The following IMMP2L variants were observed in gnomAD, a reference collection of about 807,000 sequenced individuals.
IMMP2L encodes the protein inner mitochondrial membrane peptidase subunit 2, also known as mitochondrial inner membrane protease subunit 2.
A neutral mutation model predicts 19.3 loss-of-function variants in IMMP2L; 18 were observed. The ratio of observed to expected loss-of-function variants is 0.93; its 90% CI spans 0.64 to 1.38. The LOEUF (loss-of-function observed/expected upper bound fraction) is 1.38. Among genes scored for constraint, IMMP2L ranks in the 40% most tolerant of loss-of-function variants. The pLI is 0.00. For missense variants in IMMP2L, 233 were observed against 218.2 expected (o/e 1.07, Z -0.43); for synonymous variants, 76 against 73.0 (o/e 1.04, Z -0.21).
chr7:111,132,050 A>T (rs1414612825), intron 3 of IMMP2L, among the ~76,000 whole-genome samples: 1 of 151,928 alleles, frequency 6.6e-6, no homozygotes, highest in South Asian at 2.1e-4. Flanking sequence ...CCCCATCAGT[A>T]TGTTCTTTTA....
At chr7:110,750,661 T>C (rs1275753074) in intron 5 of IMMP2L, among the ~76,000 whole-genome samples, 1 of 152,044 alleles carries the variant, frequency 6.6e-6, no homozygotes, top group African/African-American at 2.4e-5. Context: ...AAAATTGTAA[T>C]TGTAATGAGG....
chr7:111,200,519 A>G (rs1809984661), intron 3 of IMMP2L, among the ~76,000 whole-genome samples: 2 of 152,124 alleles, frequency 1.3e-5, no homozygotes, highest in Non-Finnish European at 2.9e-5. Flanking sequence ...AGAACCTGGT[A>G]TATACTGGGT....
intron 5 of IMMP2L, among the ~76,000 whole-genome samples, chr7:110,827,906 T>C (rs1478552714): frequency 6.6e-6 from 1 of 152,158 alleles, no homozygotes; most frequent in East Asian, 1.9e-4. Context: ...GTACTGATCC[T>C]TCTGCAAGGA....
At chr7:111,539,052 G>A (rs954212816) in intron 1 of IMMP2L, among the ~76,000 whole-genome samples, 6 of 149,316 alleles carry the variant, frequency 4.0e-5, no homozygotes, top group South Asian at 2.1e-4. Context: ...CCTGAGAGAC[G>A]GAGGTTGCAG....
chr7:111,328,589 TA>T (rs1554448680), intron 3 of IMMP2L, among the ~76,000 whole-genome samples: 1 of 151,894 alleles, frequency 6.6e-6, no homozygotes, highest in Non-Finnish European at 1.5e-5. Context: ...GAATTAGTTA[TA>T]AAAACTAGAG....
At chr7:110,784,911 A>G (rs764581143) in intron 5 of IMMP2L, among the ~76,000 whole-genome samples, 2 of 151,982 alleles carry the variant, frequency 1.3e-5, no homozygotes, top group African/African-American at 2.4e-5. Context: ...ACTCACTGAC[A>G]TAAAATTTAA....
At chr7:111,295,542 C>T (rs1045116197) in intron 3 of IMMP2L, among the ~76,000 whole-genome samples, 2 of 151,636 alleles carry the variant, frequency 1.3e-5, no homozygotes, top group Non-Finnish European at 3.0e-5. Context: ...GAGAAGCATG[C>T]AGCAAACAAT....
At chr7:110,778,652 T>C (rs756332973) in intron 5 of IMMP2L, among the ~76,000 whole-genome samples, 7 of 152,006 alleles carry the variant, frequency 4.6e-5, no homozygotes, top group Non-Finnish European at 8.8e-5. Flanking sequence ...AGAACCTTAC[T>C]GAGAAGAATA....
At chr7:111,171,427 A>T (rs1806438358) in intron 3 of IMMP2L, among the ~76,000 whole-genome samples, 1 of 151,612 alleles carries the variant, frequency 6.6e-6, no homozygotes, top group Non-Finnish European at 1.5e-5. Context: ...CACAATAACT[A>T]TTTAAATATT....
At chr7:110,776,100 G>T (rs1321927111) in intron 5 of IMMP2L, among the ~76,000 whole-genome samples, 1 of 151,996 alleles carries the variant, frequency 6.6e-6, no homozygotes, top group Non-Finnish European at 1.5e-5. Context: ...CAGTGACTGT[G>T]TATGTGTGTA....
At chr7:110,956,889 C>T (rs1818408117) in intron 4 of IMMP2L, among the ~76,000 whole-genome samples, 1 of 151,990 alleles carries the variant, frequency 6.6e-6, no homozygotes, top group Non-Finnish European at 1.5e-5. Context: ...CTCACATTGA[C>T]TTGCTGGAGT....
At chr7:111,028,953 T>A (rs1372492116) in intron 3 of IMMP2L, among the ~76,000 whole-genome samples, 2 of 152,150 alleles carry the variant, frequency 1.3e-5, no homozygotes, top group African/African-American at 4.8e-5. Flanking sequence ...CAGAAATACA[T>A]CTAATGGATT....
intron 3 of IMMP2L, among the ~76,000 whole-genome samples, chr7:111,018,040 A>G (rs1825882547): frequency 6.6e-6 from 1 of 152,212 alleles, no homozygotes; most frequent in Non-Finnish European, 1.5e-5. Context: ...TACATTATCA[A>G]TCACTTGCAA....
At chr7:111,122,586 T>A in intron 3 of IMMP2L, 1 of 576,894 alleles carries the variant, frequency 1.7e-6, no homozygotes, top group South Asian at 2.4e-5. Flanking sequence ...CCAATATGCA[T>A]GACATTTTTG....
intron 3 of IMMP2L, among the ~76,000 whole-genome samples, chr7:111,117,019 A>G (rs1799958049): frequency 6.6e-6 from 1 of 152,156 alleles, no homozygotes; most frequent in South Asian, 2.1e-4. Context: ...TAATGATTAA[A>G]GTAACTCTCT....
At chr7:111,144,421 A>G (rs1454320009) in intron 3 of IMMP2L, among the ~76,000 whole-genome samples, 3 of 152,154 alleles carry the variant, frequency 2.0e-5, no homozygotes, top group Non-Finnish European at 4.4e-5. Context: ...GGAGTCACAT[A>G]TATTTGGAGA....
intron 3 of IMMP2L, among the ~76,000 whole-genome samples, chr7:111,158,915 A>G (rs1413707372): frequency 6.6e-6 from 1 of 152,178 alleles, no homozygotes; most frequent in East Asian, 1.9e-4. Flanking sequence ...TGAAATAAAC[A>G]TAACCAAAAT....
At chr7:111,149,439 A>C (rs553087305) in intron 3 of IMMP2L, among the ~76,000 whole-genome samples, 1 of 152,194 alleles carries the variant, frequency 6.6e-6, no homozygotes, top group African/African-American at 2.4e-5. Flanking sequence ...TGCATTTAAC[A>C]TTTGACTCCC....
chr7:111,276,720 T>C (rs1819112126), intron 3 of IMMP2L, among the ~76,000 whole-genome samples: 1 of 149,950 alleles, frequency 6.7e-6, no homozygotes, highest in African/African-American at 2.4e-5. Context: ...CAAATTATAT[T>C]ACAAGGCTAT....
Sources: allele counts gnomAD v4.1 joint callset (sites outside exome capture counted in the v4.1 genomes callset), GRCh38; gene constraint gnomAD v4.1.1; transcripts MANE v1.5; gene names NCBI Gene and HGNC (gene_info 2026-07-23, HGNC 2026-07-21).